Variants in RAET1E observed in about 807,000 individuals in gnomAD.
RAET1E encodes the protein NKG2D ligand 4.
Under a neutral mutation model 21.1 loss-of-function variants are expected in RAET1E, and 27 were observed. The ratio of observed to expected loss-of-function variants is 1.28; its 90% CI spans 0.94 to 1.76. The LOEUF is 1.76. RAET1E is among the 40% of genes most tolerant of loss of function. The pLI is 0.00. For synonymous variants in RAET1E, 113 were observed against 115.0 expected, an observed-to-expected ratio of 0.98 and a Z score of 0.11; for missense variants, 310 against 311.3, an observed-to-expected ratio of 1.00 and a Z score of 0.03.
intron 2 of RAET1E, among the ~76,000 whole-genome samples, chr6:149,894,099 T>C (rs1259964662): frequency 6.6e-6 from 1 of 152,196 alleles, no homozygotes; most frequent in East Asian, 1.9e-4. Flanking sequence ...CTGGGTTCGG[T>C]TTGCCAGGAT....
intron 2 of RAET1E, among the ~76,000 whole-genome samples, chr6:149,892,431 T>C (rs1445846153): frequency 6.6e-6 from 1 of 152,230 alleles, no homozygotes; most frequent in Non-Finnish European, 1.5e-5. Flanking sequence ...CTCATTGTGG[T>C]TTTGATTTGC....
chr6:149,888,796 A>C, intron 5 of RAET1E, 129 bp from the exon 6 acceptor site: 9 of 1,344,966 alleles, frequency 6.7e-6, no homozygotes, highest in South Asian at 1.5e-5. Flanking sequence ...TCACTGGCTC[A>C]TGTGACAGCC....
chr6:149,884,434 T>C lies in RAET1E; in HGVS notation c.*4064A>G. 1 of 1,514,464 alleles carries C rather than the reference T, an allele frequency of 6.6e-7. No individual in the cohort carries two copies. Among genetic ancestry groups the C allele is most frequent in the South Asian group, 1.2e-5 (1 of 83,646 alleles). 93.8% of individuals were successfully genotyped at this position (1,514,464 alleles called of 1,614,324 possible). On this transcript the variant is annotated 3_prime_UTR_variant, in exon 6 of 6. Transcript: ENST00000357183. The stretch of plus-strand genomic sequence containing the variant: ...AACACACAGCAGTGGGAGCCAAGGC[T>C]GTCAGCGATCGAGGACCACAGGTGA...
chr6:149,888,783 T>C lies in RAET1E; in HGVS notation c.623-116A>G, dbSNP rs866630260. Reference sequence around the variant, plus strand: ...CCCCAGGAACACATGGTGCCCCACATAATCACTGGCTCATGTGACAGCCAC... The same window carrying C: ...CCCCAGGAACACATGGTGCCCCACACAATCACTGGCTCATGTGACAGCCAC... On this transcript the variant is annotated intron_variant, in intron 5 of 5. Coordinates refer to ENST00000357183, the MANE Select transcript of RAET1E (RefSeq NM_001394057.1). The C allele has an allele frequency of 8.4e-5, 119 of 1,409,192 alleles. No homozygotes were observed. In the Middle Eastern group the frequency reaches 2.8e-3, roughly 33 times the overall value. The allele number at this position is 1,409,192 out of a possible 1,614,324, so 87.3% of individuals were successfully genotyped here. A position where few individuals can be genotyped will look rare whatever the true frequency, so the allele number is the denominator to read the frequency against.
In RAET1E at chr6:149,884,183, G is replaced by T. The variant is rs1319097199; in HGVS notation, c.*4315C>A. On this transcript the variant is annotated 3_prime_UTR_variant, in exon 6 of 6. Transcript: ENST00000357183. ...TAGGTCCACAATCTCACGAGCAAAG[G>T]CTCACTGCAGCTTCAGATTCCTGGG... is the stretch of plus-strand genomic sequence containing the variant. 2 of 373,218 alleles carry T rather than the reference G, an allele frequency of 5.4e-6. No homozygotes were observed. Among genetic ancestry groups the T allele is most frequent in the East Asian group, 8.6e-5 (2 of 23,214 alleles). 23.1% of individuals were successfully genotyped at this position (373,218 alleles called of 1,614,324 possible). A position where few individuals can be genotyped will look rare whatever the true frequency, so the allele number is the denominator to read the frequency against.
chr6:149,888,588 G>A lies in RAET1E; in HGVS notation c.702C>T (p.Ile234=). 6.2e-7 allele frequency: 1 copy of A among 1,610,434 alleles called. No individual in the cohort carries two copies. Among genetic ancestry groups the A allele is most frequent in the Non-Finnish European group, 8.5e-7 (1 of 1,179,600 alleles). Residue 234 remains isoleucine, a synonymous_variant, in exon 6 of 6, where the codon ATC becomes ATT. Coordinates refer to ENST00000357183, the MANE Select transcript of RAET1E (RefSeq NM_001394057.1). The part of the protein sequence containing the change: ...PDRWIILGAF[I]LLVLMGIVLI... ...GAACAATTCCCATTAAAACTAACAG[G>A]ATGAATGCCCCCAGGATGATCCATC...
chr6:149,885,118 G>A lies in RAET1E; in HGVS notation c.*3380C>T, dbSNP rs1425516914. 3.3e-5 allele frequency among the ~76,000 whole-genome samples: 5 copies of A among 152,096 alleles called. No homozygotes were observed. The highest frequency in any genetic ancestry group is 1.2e-4 in the African/African-American group (5 of 41,418). On this transcript the variant is annotated 3_prime_UTR_variant, in exon 6 of 6. Transcript: ENST00000357183. ...TTGGCATGTGATATACTTTCCCATGGTCAGATGGTCAGATCATCAAGCTGC... is the reference window on the plus strand; with the variant it reads ...TTGGCATGTGATATACTTTCCCATGATCAGATGGTCAGATCATCAAGCTGC...
rs1316629971 is a variant in RAET1E at position 149,883,822 on chromosome 6, G to T, written c.*4676C>A. The T allele has an allele frequency of 2.6e-5, 4 of 152,624 alleles. No homozygotes were observed. The highest frequency in any genetic ancestry group is 9.6e-5 in the African/African-American group (4 of 41,458). The allele number at this position is 152,624 out of a possible 1,614,324, so 9.5% of individuals were successfully genotyped here. On this transcript the variant is annotated 3_prime_UTR_variant, in exon 6 of 6. Coordinates refer to ENST00000357183, the MANE Select transcript of RAET1E (RefSeq NM_001394057.1). ...CCAATGCAAATGATGTATTAGGGAA[G>T]AATTTCAGTGTAATGTGAATTGCAC...
Position 149,887,929 on chromosome 6 carries a change from G to A in RAET1E, c.*569C>T, listed in dbSNP as rs929315313. Among the ~76,000 whole-genome samples, 11 of 152,184 alleles carry A rather than the reference G, an allele frequency of 7.2e-5. No individual in the cohort carries two copies. The highest frequency in any genetic ancestry group is 2.2e-4 in the African/African-American group (9 of 41,454). ...CATATAATAGTTCTCTCAGCCAGGT[G>A]TGTTGGCTCCCCCTGTAATCCCAGC... On this transcript the variant is annotated 3_prime_UTR_variant, in exon 6 of 6. Transcript: ENST00000357183.
Position 149,895,983 on chromosome 6 carries a change from C to T in RAET1E, c.-271G>A, listed in dbSNP as rs1778099296. The stretch of plus-strand genomic sequence containing the variant: ...AGAGCAGAGACAGACAGCAAGCTCT[C>T]CTATCACTTCTTAATCCCACATGGC... On this transcript the variant is annotated 5_prime_UTR_variant, in exon 2 of 6. Coordinates refer to ENST00000357183, the MANE Select transcript of RAET1E (RefSeq NM_001394057.1). 6.6e-6 allele frequency: 1 copy of T among 152,264 alleles called. No individual in the cohort carries two copies. Among genetic ancestry groups the T allele is most frequent in the African/African-American group, 2.4e-5 (1 of 41,468 alleles). 9.4% of individuals were successfully genotyped at this position (152,264 alleles called of 1,614,324 possible). A position where few individuals can be genotyped will look rare whatever the true frequency, so the allele number is the denominator to read the frequency against.
At position 149,888,666 on chromosome 6, in the gene RAET1E, CACT is replaced by C; in HGVS notation, c.623-2_623del. 1 of 1,321,124 alleles carries C rather than the reference CACT, an allele frequency of 7.6e-7. No individual in the cohort carries two copies. The allele number at this position is 1,321,124 out of a possible 1,614,324, so 81.8% of individuals were successfully genotyped here. On this transcript the variant is annotated splice_acceptor_variant and coding_sequence_variant, in exon 6 of 6. Transcript: ENST00000357183. LOFTEE classifies it high-confidence loss of function. ...GGATATCTGAAGCATTTACTGGTGACACTAAAAAAAAAAAAAAAAAGAAAAAAA... is the reference window on the plus strand; with the variant it reads ...GGATATCTGAAGCATTTACTGGTGACAAAAAAAAAAAAAAAAAGAAAAAAA...
Position 149,887,129 on chromosome 6 carries a change from C to T in RAET1E, c.*1369G>A, listed in dbSNP as rs1373191567. Among the ~76,000 whole-genome samples, 1 of 152,166 alleles carries T rather than the reference C, an allele frequency of 6.6e-6. No individual in the cohort carries two copies. The highest frequency in any genetic ancestry group is 1.5e-5 in the Non-Finnish European group (1 of 68,032). On this transcript the variant is annotated 3_prime_UTR_variant, in exon 6 of 6. Coordinates refer to ENST00000357183, the MANE Select transcript of RAET1E (RefSeq NM_001394057.1). The stretch of plus-strand genomic sequence containing the variant: ...AGCCCTTCAGCAGCCGACTCGGTTA[C>T]CAGGATGAGGCTAGAGGCCAGGAAC...
In RAET1E at chr6:149,886,327, G is replaced by C. The variant is rs557486066; in HGVS notation, c.*2171C>G. 6.6e-6 allele frequency among the ~76,000 whole-genome samples: 1 copy of C among 152,120 alleles called. No individual in the cohort carries two copies. The highest frequency in any genetic ancestry group is 2.4e-5 in the African/African-American group (1 of 41,408). ...GATAGCTTCCTGCTGTTGATTTCTAGTTTATTTCCATTGTGCTTGGACAAG... is the reference window on the plus strand; with the variant it reads ...GATAGCTTCCTGCTGTTGATTTCTACTTTATTTCCATTGTGCTTGGACAAG... On this transcript the variant is annotated 3_prime_UTR_variant, in exon 6 of 6. Coordinates refer to ENST00000357183, the MANE Select transcript of RAET1E (RefSeq NM_001394057.1).
chr6:149,888,172 AC>A lies in RAET1E; in HGVS notation c.*325del. On this transcript the variant is annotated 3_prime_UTR_variant, in exon 6 of 6. Transcript: ENST00000357183. ...CCACCAGCAAGTCTTCTCAGGGTGAACGGGAAAAGGGGATGGGACCTGCTGA... is the reference window on the plus strand; with the variant it reads ...CCACCAGCAAGTCTTCTCAGGGTGAAGGGAAAAGGGGATGGGACCTGCTGA... 1.7e-6 allele frequency: 1 copy of A among 578,848 alleles called. No individual in the cohort carries two copies. The highest frequency in any genetic ancestry group is 1.9e-5 in the Admixed American group (1 of 52,332). 35.9% of individuals were successfully genotyped at this position (578,848 alleles called of 1,614,324 possible). A position where few individuals can be genotyped will look rare whatever the true frequency, so the allele number is the denominator to read the frequency against.
intron 5 of RAET1E, chr6:149,889,087 T>G: frequency 7.1e-7 from 1 of 1,409,674 alleles, no homozygotes; most frequent in Non-Finnish European, 9.2e-7. Context: ...CAGATAGACT[T>G]GGGACCATTT....
chr6:149,889,460 T>C lies in RAET1E; in HGVS notation c.510A>G (p.Thr170=), dbSNP rs773754978. 4 of 1,614,246 alleles carry C rather than the reference T, an allele frequency of 2.5e-6. 1 individual carries two copies. The highest frequency in any genetic ancestry group is 2.7e-5 in the African/African-American group (2 of 75,068). The change falls in exon 5 of 6, where the codon ACA becomes ACG. Residue 170 remains threonine (T), a synonymous_variant. Transcript: ENST00000357183. The stretch of plus-strand genomic sequence containing the variant: ...TTTCCAGCCCTCTGTCTTTCTTCCA[T>C]GTCTCCTTGATCTTACTGGCTTCAT... ...INHEASKIKE[T]WKKDRGLEKY...
At chr6:149,895,731 C>T (rs894678056) in intron 2 of RAET1E, 115 bp downstream of exon 2, 5 of 152,206 alleles carry the variant, frequency 3.3e-5, no homozygotes, top group South Asian at 4.1e-4. Context: ...GACCCCCTTC[C>T]CACCTCACTT....
rs761982901 is a variant in RAET1E, at chr6:149,888,668, CTAAA to C, written c.623-5_623-2del. On this transcript the variant is annotated splice_acceptor_variant and splice_polypyrimidine_tract_variant and intron_variant, in intron 5 of 5. Transcript: ENST00000357183. LOFTEE classifies it high-confidence loss of function. ...ATATCTGAAGCATTTACTGGTGACA[CTAAA>C]AAAAAAAAAAAAAAGAAAAAAAAGC... 1 of 1,213,292 alleles carries C rather than the reference CTAAA, an allele frequency of 8.2e-7. No individual in the cohort carries two copies. The highest frequency in any genetic ancestry group is 4.6e-5 in the Admixed American group (1 of 21,600). 75.2% of individuals were successfully genotyped at this position (1,213,292 alleles called of 1,614,324 possible). A position where few individuals can be genotyped will look rare whatever the true frequency, so the allele number is the denominator to read the frequency against.
intron 1 of RAET1E, among the ~76,000 whole-genome samples, chr6:149,897,787 A>G (rs1436443517): frequency 6.6e-6 from 1 of 152,040 alleles, no homozygotes; most frequent in African/African-American, 2.4e-5. Context: ...GGAGGCACGG[A>G]TCCCTGAGTG....
Sources: allele counts gnomAD v4.1 joint callset (sites outside exome capture counted in the v4.1 genomes callset), GRCh38; gene constraint gnomAD v4.1.1; transcripts MANE v1.5; gene names NCBI Gene and HGNC (gene_info 2026-07-23, HGNC 2026-07-21).